The following GALNTL6 variants were observed in gnomAD, a reference collection of about 807,000 sequenced individuals.
GALNTL6 encodes the protein polypeptide N-acetylgalactosaminyltransferase like 6.
A neutral mutation model predicts 73.7 loss-of-function variants in GALNTL6; 46 were observed. The ratio of observed to expected loss-of-function variants is 0.62; its 90% confidence interval spans 0.49 to 0.80. The LOEUF (loss-of-function observed/expected upper bound fraction) is 0.80, where lower values mean the gene tolerates loss of function less well. GALNTL6 is among the 30% of genes least tolerant of loss of function. The pLI, the probability that GALNTL6 is intolerant of heterozygous loss-of-function variation, is 0.00. For missense variants in GALNTL6, 604 were observed against 755.0 expected (o/e 0.80, Z 2.34); for synonymous variants, 259 against 263.7 (o/e 0.98, Z 0.17).
At chr4:172,540,636 C>T (rs1034624826) in intron 5 of GALNTL6, among the ~76,000 whole-genome samples, 17 of 152,044 alleles carry the variant, frequency 1.1e-4, no homozygotes, top group African/African-American at 3.1e-4. Context: ...AGACATAAAT[C>T]GATACATGGA....
intron 5 of GALNTL6, among the ~76,000 whole-genome samples, chr4:172,479,317 T>C (rs1733355092): frequency 6.6e-6 from 1 of 151,334 alleles, no homozygotes. Context: ...TGTGTATACA[T>C]ACACACACAC....
chr4:171,845,935 A>C (rs1327474333), intron 2 of GALNTL6, among the ~76,000 whole-genome samples: 2 of 152,120 alleles, frequency 1.3e-5, no homozygotes, highest in African/African-American at 4.8e-5. Flanking sequence ...TGGTAGATAA[A>C]ATTTTCTTAT....
chr4:172,015,456 T>C (rs1741159275), intron 2 of GALNTL6, among the ~76,000 whole-genome samples: 1 of 152,110 alleles, frequency 6.6e-6, no homozygotes, highest in Non-Finnish European at 1.5e-5. Context: ...TAAGTGAGTC[T>C]CTTGAAGACA....
intron 10 of GALNTL6, among the ~76,000 whole-genome samples, chr4:173,008,001 G>A (rs1752376020): frequency 6.6e-6 from 1 of 152,156 alleles, no homozygotes; most frequent in African/African-American, 2.4e-5. Context: ...CAGGCTTTAT[G>A]TAGAGAATCT....
chr4:172,004,740 A>C lies in GALNTL6; in HGVS notation c.138+190022A>C, dbSNP rs181458502. ...GCAAAATATTACCAATCATTTGCAG[A>C]GATATGAAAAGAAAATCAGATGCCC... is the stretch of plus-strand genomic sequence containing the variant. On this transcript the variant is annotated intron_variant, in intron 2 of 12. Transcript: ENST00000506823. 7.9e-3 allele frequency among the ~76,000 whole-genome samples: 869 copies of C among 109,620 alleles called. 2 individuals are homozygous for C. The highest frequency in any genetic ancestry group is 0.015 in the Middle Eastern group (3 of 200). The allele number at this position is 109,620 out of a possible 152,430, so 71.9% of individuals were successfully genotyped here. A position where few individuals can be genotyped will look rare whatever the true frequency, so the allele number is the denominator to read the frequency against.
intron 5 of GALNTL6, among the ~76,000 whole-genome samples, chr4:172,694,372 C>T (rs562140006): frequency 6.6e-6 from 1 of 152,198 alleles, no homozygotes; most frequent in African/African-American, 2.4e-5. Flanking sequence ...TCAACTCCCA[C>T]TTATGAGTGA....
intron 3 of GALNTL6, among the ~76,000 whole-genome samples, chr4:172,230,995 A>T (rs1056241679): frequency 1.2e-4 from 19 of 152,040 alleles, no homozygotes; most frequent in African/African-American, 4.3e-4. Flanking sequence ...TTTCTTCCAA[A>T]AAAGGCCTGC....
At chr4:172,302,139 A>G (rs1029346830) in intron 3 of GALNTL6, among the ~76,000 whole-genome samples, 1 of 152,144 alleles carries the variant, frequency 6.6e-6, no homozygotes, top group Non-Finnish European at 1.5e-5. Context: ...GCAATGAGTG[A>G]GGCTCTGTGG....
intron 2 of GALNTL6, among the ~76,000 whole-genome samples, chr4:172,182,957 G>A (rs534597940): frequency 3.4e-4 from 51 of 152,204 alleles, no homozygotes; most frequent in Non-Finnish European, 6.2e-4. Flanking sequence ...AGGCCTTTGG[G>A]AAGTTGATAT....
At chr4:172,149,122 C>T (rs1001189547) in intron 2 of GALNTL6, among the ~76,000 whole-genome samples, 1 of 152,188 alleles carries the variant, frequency 6.6e-6, no homozygotes, top group Non-Finnish European at 1.5e-5. Flanking sequence ...TAAACTGCAT[C>T]AGATTCAAAT....
intron 5 of GALNTL6, among the ~76,000 whole-genome samples, chr4:172,401,689 A>C (rs1422928428): frequency 6.6e-6 from 1 of 152,134 alleles, no homozygotes; most frequent in Non-Finnish European, 1.5e-5. Flanking sequence ...TTATCAGAGA[A>C]ACTGTGCTTC....
At chr4:172,967,693 A>T (rs1750395575) in intron 10 of GALNTL6, among the ~76,000 whole-genome samples, 1 of 152,196 alleles carries the variant, frequency 6.6e-6, no homozygotes, top group Non-Finnish European at 1.5e-5. Flanking sequence ...ATGTAGTGCT[A>T]TAATTGTTGT....
chr4:172,174,142 T>C (rs757383680), intron 2 of GALNTL6, among the ~76,000 whole-genome samples: 15 of 152,182 alleles, frequency 9.9e-5, no homozygotes, highest in Admixed American at 2.0e-4. Flanking sequence ...TGCTAAGTTA[T>C]CCACTGAGAA....
chr4:172,560,289 C>T (rs904718581), intron 5 of GALNTL6, among the ~76,000 whole-genome samples: 1 of 151,396 alleles, frequency 6.6e-6, no homozygotes, highest in African/African-American at 2.4e-5. Flanking sequence ...AGCCTGGTCA[C>T]CATAGGGAGA....
chr4:172,940,423 C>A (rs936859271), intron 9 of GALNTL6, among the ~76,000 whole-genome samples: 1 of 151,734 alleles, frequency 6.6e-6, no homozygotes. Flanking sequence ...AGTGAAGTGG[C>A]GTGATCTTGG....
At chr4:172,226,602 T>TG in intron 2 of GALNTL6, among the ~76,000 whole-genome samples, 1 of 31,672 alleles carries the variant, frequency 3.2e-5, no homozygotes, top group South Asian at 1.7e-3. Context: ...TGTGTGTGTG[T>TG]TTCTGTGTGT....
chr4:172,428,756 C>A (rs1731319205), intron 5 of GALNTL6, among the ~76,000 whole-genome samples: 2 of 152,152 alleles, frequency 1.3e-5, no homozygotes, highest in Non-Finnish European at 2.9e-5. Context: ...AATCAAAATT[C>A]TGCACAATTT....
chr4:172,069,488 C>CACACAT, intron 2 of GALNTL6, among the ~76,000 whole-genome samples: 1 of 69,206 alleles, frequency 1.4e-5, no homozygotes, highest in East Asian at 2.9e-4. Flanking sequence ...ATATATAACA[C>CACACAT]ATATGTTATA....
intron 2 of GALNTL6, among the ~76,000 whole-genome samples, chr4:171,849,960 G>A (rs1171096432): frequency 6.6e-6 from 1 of 152,130 alleles, no homozygotes; most frequent in African/African-American, 2.4e-5. Flanking sequence ...CTAGTGGAGA[G>A]TTAACATTTT....
Sources: allele counts gnomAD v4.1 joint callset (sites outside exome capture counted in the v4.1 genomes callset), GRCh38; gene constraint gnomAD v4.1.1; transcripts MANE v1.5; gene names NCBI Gene and HGNC (gene_info 2026-07-23, HGNC 2026-07-21).